Variants in C17orf114 observed in about 807,000 individuals in gnomAD.
C17orf114 encodes the protein chromosome 17 open reading frame 114.
chr17:4,804,455 C>G (rs1233538573), upstream of C17orf114, among the ~76,000 whole-genome samples: 1 of 152,092 alleles, frequency 6.6e-6, no homozygotes. Flanking sequence ...CTGCCCTCCT[C>G]AGCCTCGCAA....
upstream of C17orf114, among the ~76,000 whole-genome samples, chr17:4,803,343 G>A (rs931518349): frequency 2.0e-5 from 3 of 150,972 alleles, no homozygotes; most frequent in East Asian, 1.9e-4. Flanking sequence ...GTTATTAGCC[G>A]AGTAGGAACC....
At chr17:4,801,797 T>C (rs570023538) in intron 1 of C17orf114, among the ~76,000 whole-genome samples, 1 of 151,880 alleles carries the variant, frequency 6.6e-6, no homozygotes, top group South Asian at 2.1e-4. Context: ...ATGGCACTAT[T>C]TCGGCTCACT....
chr17:4,805,825 C>A (rs547812256), upstream of C17orf114, among the ~76,000 whole-genome samples: 1 of 151,036 alleles, frequency 6.6e-6, no homozygotes, highest in African/African-American at 2.4e-5. Flanking sequence ...TGGTGGCGGA[C>A]GCCTGTAGTC....
chr17:4,801,191 T>C (rs1905498401), exon 2 of C17orf114: 1 of 397,712 alleles, frequency 2.5e-6, no homozygotes, highest in African/African-American at 2.1e-5. Context: ...ATGAGAAGGT[T>C]AGAAAGGACT....
At chr17:4,806,382 C>T (rs1905809084), upstream of C17orf114, among the ~76,000 whole-genome samples, 1 of 152,112 alleles carries the variant, frequency 6.6e-6, no homozygotes, top group African/African-American at 2.4e-5. Flanking sequence ...TTTACAGGAG[C>T]TAAAACAATG....
upstream of C17orf114, among the ~76,000 whole-genome samples, chr17:4,805,974 G>A (rs1021676097): frequency 2.0e-5 from 3 of 152,050 alleles, no homozygotes; most frequent in South Asian, 2.1e-4. Context: ...AAAAAAGAGC[G>A]AGACTCCGTC....
chr17:4,804,448 CCCT>C (rs945330246), upstream of C17orf114, among the ~76,000 whole-genome samples: 3 of 151,976 alleles, frequency 2.0e-5, no homozygotes, highest in African/African-American at 7.3e-5. Context: ...TCGTGATCTG[CCCT>C]CCTCAGCCTC....
chr17:4,804,790 T>C (rs897195008), upstream of C17orf114, among the ~76,000 whole-genome samples: 21 of 151,204 alleles, frequency 1.4e-4, no homozygotes, highest in Admixed American at 2.6e-4. Flanking sequence ...TTCACCATGT[T>C]AGCCAAGATG....
upstream of C17orf114, among the ~76,000 whole-genome samples, chr17:4,803,246 A>G (rs1236601593): frequency 6.6e-6 from 1 of 150,912 alleles, no homozygotes; most frequent in African/African-American, 2.4e-5. Flanking sequence ...TAAGTCCCTC[A>G]CTGGTTAGGT....
At chr17:4,806,734 G>C (rs1905849944), upstream of C17orf114, 1 of 151,904 alleles carries the variant, frequency 6.6e-6, no homozygotes. Context: ...GCGGGTCCGG[G>C]AGCGGGGCAC....
At chr17:4,804,494 G>T (rs1905594073), upstream of C17orf114, among the ~76,000 whole-genome samples, 1 of 151,942 alleles carries the variant, frequency 6.6e-6, no homozygotes, top group Non-Finnish European at 1.5e-5. Context: ...GTGAGCCACT[G>T]CGCCCAGCCA....
upstream of C17orf114, chr17:4,806,781 G>A (rs1207514375): frequency 6.6e-6 from 1 of 151,194 alleles, no homozygotes; most frequent in Non-Finnish European, 1.5e-5. Context: ...GCGTCCCCCG[G>A]GCGCCGAGGC....
At chr17:4,806,379 G>C (rs973569222), upstream of C17orf114, among the ~76,000 whole-genome samples, 2 of 152,242 alleles carry the variant, frequency 1.3e-5, no homozygotes, top group Middle Eastern at 3.4e-3. Context: ...ATGTTTACAG[G>C]AGCTAAAACA....
At chr17:4,806,829 G>C (rs1362032403), upstream of C17orf114, 2 of 149,880 alleles carry the variant, frequency 1.3e-5, no homozygotes, top group Non-Finnish European at 3.0e-5. Context: ...CGGGCGCCGA[G>C]CCCGAGGGAT....
At chr17:4,806,713 T>A (rs950879321), upstream of C17orf114, 1 of 152,012 alleles carries the variant, frequency 6.6e-6, no homozygotes, top group Non-Finnish European at 1.5e-5. Flanking sequence ...CTAGGCCAAA[T>A]GTGGCTCGCA....
upstream of C17orf114, among the ~76,000 whole-genome samples, chr17:4,806,220 A>G (rs1046745646): frequency 4.8e-4 from 73 of 152,290 alleles, no homozygotes; most frequent in African/African-American, 1.7e-3. Context: ...ACCACCATAC[A>G]CTGATTTTGG....
chr17:4,804,881 G>T (rs544728420), upstream of C17orf114, among the ~76,000 whole-genome samples: 1 of 151,804 alleles, frequency 6.6e-6, no homozygotes, highest in Non-Finnish European at 1.5e-5. Flanking sequence ...ACCGCGCCCC[G>T]CCTTCTTTTT....
At chr17:4,803,061 C>A (rs34040038), upstream of C17orf114, among the ~76,000 whole-genome samples, 2 of 151,732 alleles carry the variant, frequency 1.3e-5, no homozygotes, top group African/African-American at 4.8e-5. Context: ...GGACTACAGG[C>A]GTACACCACC....
At chr17:4,806,555 C>T (rs947220600), upstream of C17orf114, among the ~76,000 whole-genome samples, 1 of 152,216 alleles carries the variant, frequency 6.6e-6, no homozygotes, top group African/African-American at 2.4e-5. Context: ...TACTACCATA[C>T]TCTCAATTTC....
Sources: allele counts gnomAD v4.1 joint callset (sites outside exome capture counted in the v4.1 genomes callset), GRCh38; gene constraint gnomAD v4.1.1; transcripts MANE v1.5; gene names NCBI Gene and HGNC (gene_info 2026-07-23, HGNC 2026-07-21).